CERS3: variants seen among roughly 807,000 people sequenced by gnomAD.
The protein encoded by CERS3 is LAG1 homolog, ceramide synthase 3.
A neutral mutation model predicts 50.3 loss-of-function variants in CERS3; 33 were observed. The observed-to-expected ratio is 0.66, with a 90% confidence interval of 0.50 to 0.88. The LOEUF is 0.88. Among genes scored for constraint, CERS3 ranks in the 40% least tolerant of loss-of-function variants. CERS3 has a pLI of 0.00. For synonymous variants in CERS3, 176 were observed against 155.2 expected (o/e 1.13, Z -0.99); for missense variants, 470 against 460.3 (o/e 1.02, Z -0.19).
intron 11 of CERS3, among the ~76,000 whole-genome samples, chr15:100,409,037 G>A (rs1796024069): frequency 6.6e-6 from 1 of 152,100 alleles, no homozygotes; most frequent in South Asian, 2.1e-4. Flanking sequence ...ACCCTTGCTG[G>A]AGTAGGCTGC....
chr15:100,427,607 C>A (rs147727554), intron 11 of CERS3, among the ~76,000 whole-genome samples: 5 of 152,170 alleles, frequency 3.3e-5, no homozygotes, highest in African/African-American at 1.2e-4. Context: ...TGCTTTGAGG[C>A]CCACCTCAGT....
chr15:100,459,855 A>G (rs1405962322), intron 10 of CERS3, among the ~76,000 whole-genome samples: 1 of 152,098 alleles, frequency 6.6e-6, no homozygotes, highest in Non-Finnish European at 1.5e-5. Context: ...TAGTGACTAT[A>G]TATATTTATA....
intron 4 of CERS3, among the ~76,000 whole-genome samples, chr15:100,486,307 A>C (rs2035480768): frequency 6.6e-6 from 1 of 152,192 alleles, no homozygotes. Flanking sequence ...AAGCAATCGG[A>C]TATGGTAGGA....
intron 10 of CERS3, among the ~76,000 whole-genome samples, chr15:100,466,916 C>G (rs967326909): frequency 6.7e-6 from 1 of 148,576 alleles, no homozygotes; most frequent in African/African-American, 2.5e-5. Flanking sequence ...TGCAGTGGCA[C>G]AATCTCGGCT....
chr15:100,488,123 G>C (rs373042125), intron 4 of CERS3, among the ~76,000 whole-genome samples: 59 of 152,236 alleles, frequency 3.9e-4, no homozygotes, highest in Middle Eastern at 6.8e-3. Context: ...AATCATAAGA[G>C]AACTGTGCAA....
At chr15:100,467,983 C>T (rs995102360) in intron 10 of CERS3, among the ~76,000 whole-genome samples, 28 of 151,548 alleles carry the variant, frequency 1.8e-4, no homozygotes, top group African/African-American at 4.9e-4. Flanking sequence ...ACCTCAGGCT[C>T]CTGAGTAGCT....
intron 1 of CERS3, among the ~76,000 whole-genome samples, chr15:100,523,450 C>T (rs1297920482): frequency 6.6e-6 from 1 of 151,878 alleles, no homozygotes; most frequent in African/African-American, 2.4e-5. Flanking sequence ...ACCTGTAATC[C>T]CAGCACTTTG....
intron 11 of CERS3, among the ~76,000 whole-genome samples, chr15:100,404,986 A>T (rs1481368785): frequency 1.3e-5 from 2 of 152,336 alleles, no homozygotes; most frequent in Non-Finnish European, 1.5e-5. Flanking sequence ...ATCTAAATGT[A>T]AAATATAAAA....
At chr15:100,404,935 T>C (rs2030871877) in intron 11 of CERS3, among the ~76,000 whole-genome samples, 1 of 152,230 alleles carries the variant, frequency 6.6e-6, no homozygotes, top group African/African-American at 2.4e-5. Flanking sequence ...AAGTAAACTT[T>C]GACTAAAATG....
intron 1 of CERS3, among the ~76,000 whole-genome samples, chr15:100,524,056 T>A (rs1279370019): frequency 6.6e-6 from 1 of 152,214 alleles, no homozygotes; most frequent in Admixed American, 6.5e-5. Flanking sequence ...TTGTGGAGGT[T>A]TTTTTTCTAG....
chr15:100,405,249 C>CAA (rs945329307), intron 11 of CERS3, among the ~76,000 whole-genome samples: 569 of 39,164 alleles, frequency 0.015, 4 homozygotes, highest in African/African-American at 0.045. Flanking sequence ...AAAAAAAAAA[C>CAA]AAAAAAAAAC....
At chr15:100,528,477 T>C (rs559915738) in intron 1 of CERS3, among the ~76,000 whole-genome samples, 2 of 152,290 alleles carry the variant, frequency 1.3e-5, no homozygotes, top group East Asian at 3.9e-4. Flanking sequence ...CAGACCTTTC[T>C]TCCTAACCCT....
At chr15:100,428,411 A>C (rs1331316623) in intron 11 of CERS3, among the ~76,000 whole-genome samples, 1 of 152,224 alleles carries the variant, frequency 6.6e-6, no homozygotes, top group Non-Finnish European at 1.5e-5. Context: ...AAGGACAATC[A>C]ACCAAAAGAC....
chr15:100,421,471 G>A (rs140947318), intron 11 of CERS3, among the ~76,000 whole-genome samples: 6,759 of 152,038 alleles, frequency 0.044, 277 homozygotes, highest in African/African-American at 0.1. Flanking sequence ...ATGCTCATGG[G>A]TAGGAAGAAA....
At position 100,476,070 on chromosome 15, in the gene CERS3, TA is replaced by T; in HGVS notation, c.609+15del. On this transcript the variant is annotated intron_variant, in intron 8 of 11. Coordinates refer to ENST00000679737, the MANE Select transcript of CERS3 (RefSeq NM_001378789.1). ...TGAAGAAATTGATAAAGAAGCTTTG[TA>T]AATAAGACACTTACCTTTCTCTTGA... 6.6e-7 allele frequency: 1 copy of T among 1,510,006 alleles called. No individual in the cohort carries two copies. Among genetic ancestry groups the T allele is most frequent in the Non-Finnish European group, 8.9e-7 (1 of 1,124,162 alleles). The allele number at this position is 1,510,006 out of a possible 1,614,324, so 93.5% of individuals were successfully genotyped here.
intron 4 of CERS3, among the ~76,000 whole-genome samples, chr15:100,489,367 G>A (rs2035582973): frequency 6.6e-6 from 1 of 152,088 alleles, no homozygotes; most frequent in African/African-American, 2.4e-5. Context: ...GAAAAAGAAA[G>A]ACTACCACCC....
chr15:100,505,350 C>T (rs1008802253), intron 2 of CERS3, among the ~76,000 whole-genome samples: 2 of 152,206 alleles, frequency 1.3e-5, no homozygotes, highest in Non-Finnish European at 2.9e-5. Flanking sequence ...TAAACAATTC[C>T]TTGTGCATTA....
At chr15:100,459,992 T>C (rs2034498381) in intron 10 of CERS3, among the ~76,000 whole-genome samples, 1 of 152,192 alleles carries the variant, frequency 6.6e-6, no homozygotes, top group Non-Finnish European at 1.5e-5. Context: ...TCTTAAATGC[T>C]CTTTATATAC....
chr15:100,503,280 T>C (rs73473867), intron 2 of CERS3, among the ~76,000 whole-genome samples: 2,479 of 152,298 alleles, frequency 0.016, 74 homozygotes, highest in African/African-American at 0.057. Flanking sequence ...TGTGGAATGG[T>C]AGGTTACAAA....
Sources: allele counts gnomAD v4.1 joint callset (sites outside exome capture counted in the v4.1 genomes callset), GRCh38; gene constraint gnomAD v4.1.1; transcripts MANE v1.5; gene names NCBI Gene and HGNC (gene_info 2026-07-23, HGNC 2026-07-21).